SLC4A5: variants seen among roughly 807,000 people sequenced by gnomAD.
The protein encoded by SLC4A5 is solute carrier family 4 member 5.
In SLC4A5, 96 loss-of-function variants were observed where a neutral mutation model predicts 120.4. The ratio of observed to expected loss-of-function variants is 0.80; its 90% CI spans 0.68 to 0.94. The LOEUF (loss-of-function observed/expected upper bound fraction) is 0.94, where lower values mean the gene tolerates loss of function less well. SLC4A5 is among the 40% of genes least tolerant of loss of function. The pLI is 0.00. For synonymous variants in SLC4A5, 550 were observed against 571.1 expected, an observed-to-expected ratio of 0.96 and a Z score of 0.53; for missense variants, 1,259 against 1,459.5, an observed-to-expected ratio of 0.86 and a Z score of 2.24.
chr2:74,308,140 C>T, intron 6 of SLC4A5: 1 of 328,630 alleles, frequency 3.0e-6, no homozygotes, highest in South Asian at 2.8e-5. Flanking sequence ...TGAAGGACAT[C>T]TTGGTGGCCT....
intron 3 of SLC4A5, among the ~76,000 whole-genome samples, chr2:74,336,299 G>A (rs1673487506): frequency 6.6e-6 from 1 of 152,106 alleles, no homozygotes. Flanking sequence ...GAACTCCTGG[G>A]CTCAAGCAAT....
intron 7 of SLC4A5, among the ~76,000 whole-genome samples, chr2:74,302,611 C>G (rs533259631): frequency 6.6e-6 from 1 of 152,148 alleles, no homozygotes; most frequent in Non-Finnish European, 1.5e-5. Flanking sequence ...AATGAGACTG[C>G]GTCTCAAAAA....
rs367922236 is a variant in SLC4A5, at chr2:74,241,741, C to CAA, written c.2118+251_2118+252dup. Among the ~76,000 whole-genome samples the CAA allele has an allele frequency of 9.6e-3, 929 of 97,276 alleles. 12 individuals carry two copies. The highest frequency in any genetic ancestry group is 0.022 in the Middle Eastern group (4 of 178). The allele number at this position is 97,276 out of a possible 152,430, so 63.8% of individuals were successfully genotyped here. ...TGGGCAACACAGTGAGACCCTGTCT[C>CAA]AAAAAAAAAAAAAAAACGCACAAAA... On this transcript the variant is annotated intron_variant, in intron 20 of 30. Transcript: ENST00000394019.
chr2:74,286,181 G>A (rs1273841846), intron 7 of SLC4A5, among the ~76,000 whole-genome samples: 2 of 152,158 alleles, frequency 1.3e-5, no homozygotes, highest in African/African-American at 2.4e-5. Flanking sequence ...CGAAGCCAGG[G>A]CAGTAGCAAG....
intron 8 of SLC4A5, among the ~76,000 whole-genome samples, chr2:74,285,311 C>T (rs988076334): frequency 6.6e-6 from 1 of 152,204 alleles, no homozygotes; most frequent in African/African-American, 2.4e-5. Flanking sequence ...TTTTGAACTG[C>T]ATGGGCCCAC....
At chr2:74,305,360 A>G (rs1449661526) in intron 6 of SLC4A5, among the ~76,000 whole-genome samples, 2 of 152,176 alleles carry the variant, frequency 1.3e-5, no homozygotes, top group Non-Finnish European at 2.9e-5. Flanking sequence ...AAAATAATTA[A>G]TAGATTTTTA....
At chr2:74,312,923 C>T (rs1287687921) in intron 6 of SLC4A5, among the ~76,000 whole-genome samples, 3 of 152,076 alleles carry the variant, frequency 2.0e-5, no homozygotes, top group African/African-American at 4.8e-5. Context: ...CAGAGCAACA[C>T]TTCATCTCTA....
chr2:74,308,839 T>C (rs926360386), intron 6 of SLC4A5, among the ~76,000 whole-genome samples: 28 of 152,134 alleles, frequency 1.8e-4, no homozygotes, highest in Admixed American at 4.6e-4. Flanking sequence ...TTCTAGAAGT[T>C]TTGTAGTTTT....
intron 21 of SLC4A5, 120 bp from the exon 22 acceptor site, chr2:74,235,334 G>T: frequency 1.5e-6 from 1 of 683,070 alleles, no homozygotes; most frequent in Non-Finnish European, 2.5e-6. Flanking sequence ...GAAGGCAGCA[G>T]AACTAGGCTC....
intron 7 of SLC4A5, among the ~76,000 whole-genome samples, chr2:74,289,860 A>G (rs992110441): frequency 6.6e-6 from 1 of 152,228 alleles, no homozygotes; most frequent in Non-Finnish European, 1.5e-5. Context: ...GGAGGATGGC[A>G]TGAAAAAGAA....
rs529306959 is a variant in SLC4A5, at chr2:74,250,544, T to G, written c.1479-27A>C. ...TGCTCAAGACAGGCCCAGGGGCTGC[T>G]TTCTCACCACTAACACCAGTGCAGG... is the stretch of plus-strand genomic sequence containing the variant. On this transcript the variant is annotated intron_variant, in intron 16 of 30. Transcript: ENST00000394019. The G allele has an allele frequency of 2.5e-6, 4 of 1,613,292 alleles. No individual in the cohort carries two copies. The African/African-American group carries it at 4.0e-5, about 16-fold the overall frequency.
At chr2:74,244,504 T>C (rs1195420545) in intron 19 of SLC4A5, among the ~76,000 whole-genome samples, 1 of 150,132 alleles carries the variant, frequency 6.7e-6, no homozygotes, top group African/African-American at 2.5e-5. Context: ...CCCTTCCTTC[T>C]TTTCTTTCCC....
intron 5 of SLC4A5, among the ~76,000 whole-genome samples, chr2:74,321,418 T>G (rs1223481747): frequency 1.3e-5 from 2 of 152,056 alleles, no homozygotes; most frequent in Non-Finnish European, 2.9e-5. Flanking sequence ...CTGGATAGAG[T>G]TGCCAGGTTT....
chr2:74,221,468 C>G (rs1296911504), exon 30 of SLC4A5: 1 of 1,614,120 alleles, frequency 6.2e-7, no homozygotes, highest in South Asian at 1.1e-5. Flanking sequence ...AAGGAAGAAT[C>G]AGAGTGAGTA....
intron 5 of SLC4A5, among the ~76,000 whole-genome samples, chr2:74,321,030 T>C (rs185717563): frequency 2.0e-5 from 3 of 152,356 alleles, no homozygotes; most frequent in Admixed American, 6.5e-5. Flanking sequence ...CCGATACGCA[T>C]TGGTATGGCT....
intron 2 of SLC4A5, chr2:74,339,117 C>T (rs1262115579): frequency 3.9e-5 from 6 of 152,074 alleles, no homozygotes; most frequent in African/African-American, 1.2e-4. Flanking sequence ...GAATAAAGGA[C>T]TGATTTTAAA....
intron 7 of SLC4A5, among the ~76,000 whole-genome samples, chr2:74,296,616 CA>C (rs1160532512): frequency 0.016 from 749 of 47,474 alleles, 3 homozygotes; most frequent in Middle Eastern, 0.035. Context: ...ACTAAAAATA[CA>C]AAAAAAAAAA....
intron 7 of SLC4A5, among the ~76,000 whole-genome samples, chr2:74,303,657 G>C (rs1023873685): frequency 7.9e-5 from 12 of 152,174 alleles, no homozygotes; most frequent in African/African-American, 2.9e-4. Flanking sequence ...TGAAGGAGCA[G>C]AGGAAGGCCT....
At chr2:74,218,231 T>C (rs1205350212) in exon 31 of SLC4A5, 4 of 152,258 alleles carry the variant, frequency 2.6e-5, no homozygotes, top group African/African-American at 9.6e-5. Context: ...CATAAAAGTA[T>C]ATTACAAGTT....
Sources: allele counts gnomAD v4.1 joint callset (sites outside exome capture counted in the v4.1 genomes callset), GRCh38; gene constraint gnomAD v4.1.1; transcripts MANE v1.5; gene names NCBI Gene and HGNC (gene_info 2026-07-23, HGNC 2026-07-21).